CTNNA2: variants seen among roughly 807,000 people sequenced by gnomAD.
CTNNA2 encodes the protein catenin alpha-2.
A neutral mutation model predicts 101.0 loss-of-function variants in CTNNA2; 42 were observed. That is an observed-to-expected ratio of 0.42 (90% confidence interval 0.32 to 0.54). CTNNA2 has a LOEUF of 0.54. CTNNA2 is among the 20% of genes least tolerant of loss of function. The pLI is 0.14. For synonymous variants in CTNNA2, 450 were observed against 456.4 expected, an observed-to-expected ratio of 0.99 and a Z score of 0.18; for missense variants, 871 against 1,223.1, an observed-to-expected ratio of 0.71 and a Z score of 4.29.
At chr2:79,914,738 A>C (rs1272665902) in intron 7 of CTNNA2, among the ~76,000 whole-genome samples, 1 of 152,194 alleles carries the variant, frequency 6.6e-6, no homozygotes, top group Admixed American at 6.5e-5. Context: ...TGTATTTTTA[A>C]AAATAATTAC....
intron 7 of CTNNA2, among the ~76,000 whole-genome samples, chr2:80,300,916 G>T (rs1335411328): frequency 6.6e-6 from 1 of 151,630 alleles, no homozygotes; most frequent in Non-Finnish European, 1.5e-5. Flanking sequence ...AACCTATGAG[G>T]GGTGAGAAGG....
intron 2 of CTNNA2, chr2:79,687,502 C>A: frequency 1.7e-6 from 1 of 605,472 alleles, no homozygotes; most frequent in Non-Finnish European, 3.0e-6. Flanking sequence ...ATTTGCATTA[C>A]CCAGAGGGCA....
chr2:80,615,181 AAGAT>A (rs1457289204), intron 17 of CTNNA2, among the ~76,000 whole-genome samples: 1 of 151,580 alleles, frequency 6.6e-6, no homozygotes, highest in Non-Finnish European at 1.5e-5. Flanking sequence ...GGTTAAAAAT[AAGAT>A]AGAATCCATA....
In CTNNA2 at chr2:79,672,459, T is replaced by C. The variant is rs1342056760; in HGVS notation, c.102+20801T>C. On this transcript the variant is annotated intron_variant, in intron 2 of 18. Coordinates refer to ENST00000402739, the MANE Select transcript of CTNNA2 (RefSeq NM_001282597.3). ...ATCGGTTCTAAGAAAATTGCCACTTTCATGAAATGCCATGAAAAAAGAAAA... is the reference window on the plus strand; with the variant it reads ...ATCGGTTCTAAGAAAATTGCCACTTCCATGAAATGCCATGAAAAAAGAAAA... 3.3e-5 allele frequency among the ~76,000 whole-genome samples: 5 copies of C among 152,232 alleles called. No homozygotes were observed. In the South Asian group the frequency reaches 8.3e-4, roughly 25 times the overall value.
chr2:79,945,571 T>C (rs930005697), intron 7 of CTNNA2, among the ~76,000 whole-genome samples: 17 of 152,206 alleles, frequency 1.1e-4, no homozygotes. Flanking sequence ...TTTAATTCTC[T>C]CCTTTTTAAT....
intron 11 of CTNNA2, among the ~76,000 whole-genome samples, chr2:80,546,728 G>A (rs4852579): frequency 0.51 from 77,924 of 151,530 alleles, 20,935 homozygotes; most frequent in African/African-American, 0.69. Flanking sequence ...AACAGGACTC[G>A]TGGAGTCCAT....
At chr2:80,194,676 C>T (rs1380911761) in intron 7 of CTNNA2, among the ~76,000 whole-genome samples, 1 of 151,056 alleles carries the variant, frequency 6.6e-6, no homozygotes, top group African/African-American at 2.4e-5. Flanking sequence ...CTTGAGGAGA[C>T]AGGCGATTTT....
At chr2:80,179,069 A>G (rs1705588904) in intron 7 of CTNNA2, among the ~76,000 whole-genome samples, 1 of 152,234 alleles carries the variant, frequency 6.6e-6, no homozygotes, top group Admixed American at 6.5e-5. Flanking sequence ...CCCCTGAGGT[A>G]GGACAGAGAA....
In CTNNA2 at chr2:79,343,913, AAG is replaced by A. The variant is rs1466744811; in HGVS notation, c.-317-29916_-317-29915del. On this transcript the variant is annotated intron_variant, in intron 3 of 21. Coordinates refer to the CTNNA2 transcript ENST00000466387. ...TTGTGTCTTATAACTACAGAGACAT[AAG>A]ATAATAAAATAAAAATATATGTATA... 2.6e-5 allele frequency among the ~76,000 whole-genome samples: 4 copies of A among 152,278 alleles called. No individual in the cohort carries two copies. In the East Asian group the frequency reaches 7.7e-4, roughly 29 times the overall value.
chr2:79,340,498 A>T (rs1462163700), intron 3 of CTNNA2, among the ~76,000 whole-genome samples: 1 of 152,138 alleles, frequency 6.6e-6, no homozygotes, highest in African/African-American at 2.4e-5. Flanking sequence ...CAGCCCCAAT[A>T]TGAAGGAAGT....
chr2:80,314,075 G>A, intron 7 of CTNNA2, among the ~76,000 whole-genome samples: 1 of 152,208 alleles, frequency 6.6e-6, no homozygotes, highest in Non-Finnish European at 1.5e-5. Context: ...ACAGACATTA[G>A]AGCTGCACAT....
At chr2:79,257,202 A>G (rs1367154647) in intron 2 of CTNNA2, among the ~76,000 whole-genome samples, 9 of 152,184 alleles carry the variant, frequency 5.9e-5, no homozygotes, top group Non-Finnish European at 1.3e-4. Flanking sequence ...ACATATACAC[A>G]ACCAAAAATA....
intron 7 of CTNNA2, among the ~76,000 whole-genome samples, chr2:79,952,257 C>T (rs548717833): frequency 1.2e-4 from 19 of 152,186 alleles, no homozygotes; most frequent in Admixed American, 6.5e-4. Context: ...TACCTACTAC[C>T]CACTAGCCTG....
chr2:80,075,648 TAAAA>T lies in CTNNA2; in HGVS notation c.1056+165853_1056+165856del, dbSNP rs568717857. Among the ~76,000 whole-genome samples, 4 of 86,832 alleles carry T rather than the reference TAAAA, an allele frequency of 4.6e-5. 1 individual carries two copies. The highest frequency in any genetic ancestry group is 2.1e-4 in the African/African-American group (4 of 19,354). 57.0% of individuals were successfully genotyped at this position (86,832 alleles called of 152,430 possible). A position where few individuals can be genotyped will look rare whatever the true frequency, so the allele number is the denominator to read the frequency against. On this transcript the variant is annotated intron_variant, in intron 7 of 18. Coordinates refer to ENST00000402739, the MANE Select transcript of CTNNA2 (RefSeq NM_001282597.3). ...AATATTTATACATGTATAAATATTA[TAAAA>T]ATAATATTTATACATGTATAAATAT... is the stretch of plus-strand genomic sequence containing the variant.
chr2:79,557,484 C>T (rs1674517045), intron 1 of CTNNA2, among the ~76,000 whole-genome samples: 1 of 151,352 alleles, frequency 6.6e-6, no homozygotes, highest in South Asian at 2.1e-4. Flanking sequence ...AAAAAAATGA[C>T]CTACACTTAT....
chr2:79,871,896 A>T (rs1286350011), intron 5 of CTNNA2, among the ~76,000 whole-genome samples: 2 of 152,238 alleles, frequency 1.3e-5, no homozygotes, highest in Admixed American at 1.3e-4. Flanking sequence ...TGTTCATATG[A>T]AAATGCCTAC....
intron 18 of CTNNA2, among the ~76,000 whole-genome samples, chr2:80,642,668 A>C (rs1445438111): frequency 6.6e-6 from 1 of 152,224 alleles, no homozygotes; most frequent in Non-Finnish European, 1.5e-5. Context: ...CTGTTGCAGC[A>C]TAAGTCCTGT....
chr2:80,550,229 T>C (rs1326304924), intron 11 of CTNNA2, among the ~76,000 whole-genome samples: 1 of 152,212 alleles, frequency 6.6e-6, no homozygotes, highest in East Asian at 1.9e-4. Flanking sequence ...GTTTAAAAAC[T>C]GTACATACCT....
chr2:79,516,846 T>G (rs536974022), intron 1 of CTNNA2, among the ~76,000 whole-genome samples: 24 of 152,320 alleles, frequency 1.6e-4, no homozygotes, highest in African/African-American at 5.8e-4. Flanking sequence ...TCATTTTTCC[T>G]TATCCCATGA....
Sources: allele counts gnomAD v4.1 joint callset (sites outside exome capture counted in the v4.1 genomes callset), GRCh38; gene constraint gnomAD v4.1.1; transcripts MANE v1.5; gene names NCBI Gene and HGNC (gene_info 2026-07-23, HGNC 2026-07-21).